RASGRP3: variants seen among roughly 807,000 people sequenced by gnomAD.
RASGRP3 encodes the protein ras guanyl-releasing protein 3.
A neutral mutation model predicts 82.7 loss-of-function variants in RASGRP3; 54 were observed. The observed-to-expected ratio is 0.65, with a 90% confidence interval of 0.52 to 0.82. The LOEUF (loss-of-function observed/expected upper bound fraction) is 0.82. RASGRP3 is among the 40% of genes least tolerant of loss of function. The pLI is 0.00. For missense variants in RASGRP3, 861 were observed against 828.9 expected (o/e 1.04, Z -0.48); for synonymous variants, 309 against 300.5 (o/e 1.03, Z -0.29).
chr2:33,555,164 G>A (rs10182608), intron 14 of RASGRP3: 39,477 of 175,672 alleles, frequency 0.22, 5,669 homozygotes, highest in African/African-American at 0.42. Flanking sequence ...TGTAGTGGGC[G>A]CTAAGAGCAG....
At chr2:33,560,754 C>A (rs1558532528) in intron 17 of RASGRP3, among the ~76,000 whole-genome samples, 1 of 152,190 alleles carries the variant, frequency 6.6e-6, no homozygotes, top group Non-Finnish European at 1.5e-5. Flanking sequence ...AGGATGGCGC[C>A]CACCTTGTGG....
intron 2 of RASGRP3, among the ~76,000 whole-genome samples, chr2:33,469,432 ATC>A (rs1666921785): frequency 6.6e-6 from 1 of 151,666 alleles, no homozygotes; most frequent in African/African-American, 2.4e-5. Flanking sequence ...TATAAAACCA[ATC>A]ATGTGATTCT....
intron 4 of RASGRP3, 46 bp downstream of exon 4, chr2:33,516,690 T>C (rs1671500312): frequency 7.7e-7 from 1 of 1,304,282 alleles, no homozygotes; most frequent in Non-Finnish European, 1.1e-6. Context: ...TAAATCAAGC[T>C]CTGTATTTAG....
At chr2:33,494,836 G>A (rs904388850) in intron 1 of RASGRP3, among the ~76,000 whole-genome samples, 2 of 152,204 alleles carry the variant, frequency 1.3e-5, no homozygotes, top group South Asian at 4.2e-4. Context: ...AGAAATCTGA[G>A]GAAACTCTAA....
upstream of RASGRP3, among the ~76,000 whole-genome samples, chr2:33,473,205 A>T (rs1667162950): frequency 6.6e-6 from 1 of 152,152 alleles, no homozygotes; most frequent in Non-Finnish European, 1.5e-5. Flanking sequence ...ACTACTAAAA[A>T]TACATGTCTC....
chr2:33,443,370 G>C (rs1665330823), intron 1 of RASGRP3, among the ~76,000 whole-genome samples: 1 of 152,148 alleles, frequency 6.6e-6, no homozygotes, highest in Admixed American at 6.5e-5. Flanking sequence ...GTATTATGCT[G>C]TGGTAACATT....
At chr2:33,436,828 A>G (rs1284211508) in intron 1 of RASGRP3, among the ~76,000 whole-genome samples, 1 of 152,180 alleles carries the variant, frequency 6.6e-6, no homozygotes, top group East Asian at 1.9e-4. Flanking sequence ...AACTTTCTTC[A>G]GTTTCATTAT....
chr2:33,523,281 G>A (rs11679194), intron 7 of RASGRP3, among the ~76,000 whole-genome samples: 49,303 of 151,714 alleles, frequency 0.32, 8,889 homozygotes, highest in Middle Eastern at 0.48. Flanking sequence ...GGCCAACGTG[G>A]TGAAACCCCA....
chr2:33,499,029 A>T (rs1450446768), intron 1 of RASGRP3, among the ~76,000 whole-genome samples: 1 of 152,212 alleles, frequency 6.6e-6, no homozygotes, highest in Non-Finnish European at 1.5e-5. Flanking sequence ...TTGAAATTCC[A>T]CTATGAGCCT....
Position 33,527,332 on chromosome 2 carries a change from G to A in RASGRP3, c.1003G>A (p.Val335Ile), listed in dbSNP as rs749067768. 3.1e-5 allele frequency: 50 copies of A among 1,613,696 alleles called. No individual in the cohort carries two copies. The highest frequency in any genetic ancestry group is 3.3e-4 in the Middle Eastern group (2 of 6,084). The stretch of plus-strand genomic sequence containing the variant: ...CATTGTGAAAATGCACCAGCTCTCC[G>A]TTACCCTGAGTGAACTAGTCTCCCT... ...VNIVKMHQLS[V>I]TLSELVSLQN... Residue 335 changes from valine to isoleucine, a missense_variant, in exon 10 of 18, where the codon GTT becomes ATT. Physicochemically the swap from Val to Ile is conservative, Grantham distance 29. Transcript: ENST00000403687.
chr2:33,523,810 C>T (rs1443758168), intron 7 of RASGRP3, 69 bp from the exon 8 acceptor site: 1 of 1,366,652 alleles, frequency 7.3e-7, no homozygotes, highest in East Asian at 2.3e-5. Context: ...CTTTTCTATG[C>T]AATATTCTAA....
intron 1 of RASGRP3, among the ~76,000 whole-genome samples, chr2:33,495,456 C>A (rs1227950530): frequency 1.3e-5 from 2 of 152,170 alleles, no homozygotes; most frequent in East Asian, 3.9e-4. Flanking sequence ...AGTAATGTTC[C>A]CTCACCCGCA....
At chr2:33,468,897 G>A (rs1346463559) in intron 2 of RASGRP3, among the ~76,000 whole-genome samples, 1 of 152,098 alleles carries the variant, frequency 6.6e-6, no homozygotes, top group African/African-American at 2.4e-5. Flanking sequence ...GAGTTAAAGG[G>A]TATTCACATT....
intron 3 of RASGRP3, among the ~76,000 whole-genome samples, chr2:33,515,890 G>A (rs1671416718): frequency 6.6e-6 from 1 of 152,194 alleles, no homozygotes; most frequent in African/African-American, 2.4e-5. Context: ...ATAAAATACA[G>A]GATGACCAGT....
At chr2:33,453,670 A>T (rs1665907233) in intron 2 of RASGRP3, among the ~76,000 whole-genome samples, 1 of 152,168 alleles carries the variant, frequency 6.6e-6, no homozygotes, top group Non-Finnish European at 1.5e-5. Context: ...CCTATTGGTC[A>T]CTCAGGGTCA....
At chr2:33,500,461 G>T (rs1669758304) in intron 1 of RASGRP3, among the ~76,000 whole-genome samples, 1 of 152,106 alleles carries the variant, frequency 6.6e-6, no homozygotes, top group Non-Finnish European at 1.5e-5. Flanking sequence ...CGGTGGAGAT[G>T]AAGGGCAGTG....
intron 6 of RASGRP3, among the ~76,000 whole-genome samples, chr2:33,521,155 A>G (rs1347431700): frequency 6.6e-6 from 1 of 152,218 alleles, no homozygotes; most frequent in Non-Finnish European, 1.5e-5. Flanking sequence ...TTCACATGCA[A>G]GCTTGAGAAG....
intron 13 of RASGRP3, 60 bp from the exon 14 acceptor site, chr2:33,549,544 G>T (rs965628080): frequency 6.6e-7 from 1 of 1,504,394 alleles, no homozygotes; most frequent in Non-Finnish European, 9.0e-7. Context: ...ATTAAAGTGT[G>T]GCAACTACTT....
chr2:33,443,401 C>T (rs1315551548), intron 1 of RASGRP3, among the ~76,000 whole-genome samples: 1 of 152,044 alleles, frequency 6.6e-6, no homozygotes, highest in Non-Finnish European at 1.5e-5. Flanking sequence ...TCTTAGCGGC[C>T]TGTGTTCATA....
Sources: gnomAD v4.1 joint callset for allele counts (sites outside exome capture counted in the v4.1 genomes callset) on GRCh38, gnomAD v4.1.1 for gene constraint, MANE v1.5 for transcripts, NCBI Gene and HGNC (gene_info 2026-07-23, HGNC 2026-07-21) for gene names.